PTGER4: variants seen among roughly 807,000 people sequenced by gnomAD.
PTGER4 encodes the protein prostaglandin E receptor 4.
A neutral mutation model predicts 33.2 loss-of-function variants in PTGER4; 11 were observed. The ratio of observed to expected loss-of-function variants is 0.33; its 90% CI spans 0.21 to 0.55. The LOEUF is 0.55. Ranked by LOEUF, PTGER4 falls within the 20% of genes least tolerant of loss-of-function variation. The probability of loss-of-function intolerance (pLI) is 0.92; values close to 1 mark genes in which losing one functional copy is unlikely to be tolerated. For synonymous variants in PTGER4, 275 were observed against 281.5 expected (o/e 0.98, Z 0.23); for missense variants, 481 against 650.2 (o/e 0.74, Z 2.83).
chr5:40,711,729 A>G, the PTGER4 span, among the ~76,000 whole-genome samples: 5 of 152,154 alleles, frequency 3.3e-5, no homozygotes, highest in Non-Finnish European at 5.9e-5. Flanking sequence ...ATTGATACAC[A>G]TGATAACATG....
Position 40,691,746 on chromosome 5 carries a change from A to G in PTGER4, c.868-33A>G, listed in dbSNP as rs1741477247. Reference sequence around the variant, plus strand: ...TATATGTTTTCCCAATTGATTAATGATGAAATCTAAATGTGCGATCTCACT... The same window carrying G: ...TATATGTTTTCCCAATTGATTAATGGTGAAATCTAAATGTGCGATCTCACT... On this transcript the variant is annotated intron_variant, in intron 2 of 2. Transcript: ENST00000302472. The surrounding 1 kb of genome is among the most constrained non-coding windows in gnomAD (Gnocchi z 4.2). 6.3e-7 allele frequency: 1 copy of G among 1,580,768 alleles called. No individual in the cohort carries two copies. The highest frequency in any genetic ancestry group is 8.6e-7 in the Non-Finnish European group (1 of 1,164,102).
At chr5:40,697,784 T>C (rs1389817673), downstream of PTGER4, among the ~76,000 whole-genome samples, 1 of 151,630 alleles carries the variant, frequency 6.6e-6, no homozygotes, top group Non-Finnish European at 1.5e-5. Context: ...AAAATAAACA[T>C]AATATACAAG....
At chr5:40,703,470 T>TAC in the PTGER4 span, among the ~76,000 whole-genome samples, 1 of 151,976 alleles carries the variant, frequency 6.6e-6, no homozygotes, top group African/African-American at 2.4e-5. Context: ...AACAGACCAA[T>TAC]AACAAGCTCT....
chr5:40,692,244 G>T lies in PTGER4; in HGVS notation c.1333G>T (p.Gly445Cys), dbSNP rs781778670. 3.1e-6 allele frequency: 5 copies of T among 1,614,118 alleles called. No homozygotes were observed. Among genetic ancestry groups the T allele is most frequent in the South Asian group, 1.1e-5 (1 of 91,094 alleles). Residue 445 changes from glycine (G) to cysteine (C), a missense_variant, in exon 3 of 3, where the codon GGT (glycine) becomes TGT (cysteine). Around this residue, in one of 7 missense-constraint regions of PTGER4, gnomAD observed 172 missense variants for 199.2 expected, o/e 0.86. Coordinates refer to ENST00000302472, the MANE Select transcript of PTGER4 (RefSeq NM_000958.3). ...RISETSDSSQ[G>C]QDSESVLLVD... is the part of the protein sequence containing the mutation. ...ATCAGAGACCTCAGACTCTTCACAG[G>T]GTCAGGACTCAGAGAGTGTCTTACT...
At chr5:40,740,039 G>A in the PTGER4 span, among the ~76,000 whole-genome samples, 1 of 151,660 alleles carries the variant, frequency 6.6e-6, no homozygotes, top group Non-Finnish European at 1.5e-5. Flanking sequence ...CTAGGGTCTA[G>A]GTTTGAATAC....
the PTGER4 span, among the ~76,000 whole-genome samples, chr5:40,699,000 A>C: frequency 3.9e-5 from 6 of 152,210 alleles, no homozygotes; most frequent in African/African-American, 1.4e-4. Flanking sequence ...CTAGTAATGT[A>C]CCCATGGCCA....
At chr5:40,697,424 A>G (rs994651986), downstream of PTGER4, among the ~76,000 whole-genome samples, 1 of 151,862 alleles carries the variant, frequency 6.6e-6, no homozygotes, top group Admixed American at 6.6e-5. Flanking sequence ...TGTCTCTACT[A>G]AAAATGCAAA....
At chr5:40,729,705 A>AT in the PTGER4 span, among the ~76,000 whole-genome samples, 1 of 151,802 alleles carries the variant, frequency 6.6e-6, no homozygotes, top group South Asian at 2.1e-4. Context: ...TTATTTACTT[A>AT]TTTATTTTTT....
chr5:40,740,118 T>C, the PTGER4 span, among the ~76,000 whole-genome samples: 1 of 152,130 alleles, frequency 6.6e-6, no homozygotes, highest in African/African-American at 2.4e-5. Flanking sequence ...TTGTTATATA[T>C]TTACTTCTAT....
chr5:40,713,663 ACT>A, the PTGER4 span, among the ~76,000 whole-genome samples: 1 of 152,186 alleles, frequency 6.6e-6, no homozygotes, highest in East Asian at 1.9e-4. Flanking sequence ...ATGTCTAGAC[ACT>A]CTGACTAATG....
chr5:40,739,059 C>T, the PTGER4 span, among the ~76,000 whole-genome samples: 7 of 152,158 alleles, frequency 4.6e-5, no homozygotes, highest in Non-Finnish European at 7.4e-5. Context: ...TATCAACTGA[C>T]CACATACATG....
chr5:40,733,782 T>C, the PTGER4 span, among the ~76,000 whole-genome samples: 1 of 152,208 alleles, frequency 6.6e-6, no homozygotes, highest in Admixed American at 6.5e-5. Flanking sequence ...AAGCTGCTTA[T>C]GTTCCTAAGC....
chr5:40,716,815 T>C, the PTGER4 span, among the ~76,000 whole-genome samples: 1 of 152,338 alleles, frequency 6.6e-6, no homozygotes, highest in East Asian at 1.9e-4. Flanking sequence ...CATTTGGGGA[T>C]TTCCTGGGCT....
chr5:40,697,957 C>T (rs2111829133), downstream of PTGER4, among the ~76,000 whole-genome samples: 1 of 151,936 alleles, frequency 6.6e-6, no homozygotes, highest in Admixed American at 6.6e-5. Flanking sequence ...ATCATGTCCT[C>T]TGCAGTAGCA....
the PTGER4 span, among the ~76,000 whole-genome samples, chr5:40,726,804 T>C: frequency 6.6e-6 from 1 of 152,128 alleles, no homozygotes; most frequent in African/African-American, 2.4e-5. Flanking sequence ...GCAAAAGAGA[T>C]AGTGATGTAT....
downstream of PTGER4, among the ~76,000 whole-genome samples, chr5:40,698,121 C>T (rs1428514862): frequency 3.3e-4 from 10 of 30,488 alleles, no homozygotes; most frequent in East Asian, 4.5e-3. Flanking sequence ...AAAAAAAAAC[C>T]ATGAAAAATT....
At chr5:40,723,790 G>A in the PTGER4 span, among the ~76,000 whole-genome samples, 4 of 151,306 alleles carry the variant, frequency 2.6e-5, no homozygotes, top group Non-Finnish European at 2.9e-5. Context: ...ACTCGAACCC[G>A]GGAGGCAGAG....
chr5:40,693,115 T>C lies in PTGER4; in HGVS notation c.*737T>C. On this transcript the variant is annotated 3_prime_UTR_variant, in exon 3 of 3. Coordinates refer to ENST00000302472, the MANE Select transcript of PTGER4 (RefSeq NM_000958.3). ...AATTACAGTCCAAAATACTGTTCTTTCCAGGCTATGTATAAAATACATAGT... is the reference window on the plus strand; with the variant it reads ...AATTACAGTCCAAAATACTGTTCTTCCCAGGCTATGTATAAAATACATAGT... 2.1e-6 allele frequency: 2 copies of C among 948,216 alleles called. No homozygotes were observed. Among genetic ancestry groups the C allele is most frequent in the Non-Finnish European group, 2.5e-6 (2 of 795,818 alleles). 58.7% of individuals were successfully genotyped at this position (948,216 alleles called of 1,614,324 possible). A position where few individuals can be genotyped will look rare whatever the true frequency, so the allele number is the denominator to read the frequency against.
chr5:40,688,441 C>A (rs962275939), intron 2 of PTGER4, among the ~76,000 whole-genome samples: 1 of 152,162 alleles, frequency 6.6e-6, no homozygotes, highest in Admixed American at 6.5e-5. Flanking sequence ...TTCTTCTACC[C>A]TTAGGAACGT....
Sources: allele counts gnomAD v4.1 joint callset (sites outside exome capture counted in the v4.1 genomes callset), GRCh38; gene constraint gnomAD v4.1.1; regional missense constraint gnomAD v4.1.1; non-coding constraint Gnocchi (gnomAD v3.1); transcripts MANE v1.5; gene names NCBI Gene and HGNC (gene_info 2026-07-23, HGNC 2026-07-21).